Variants in PZP observed in about 807,000 individuals in gnomAD.
PZP encodes the protein pregnancy zone protein.
A neutral mutation model predicts 179.8 loss-of-function variants in PZP; 150 were observed. The ratio of observed to expected loss-of-function variants is 0.83; its 90% CI spans 0.73 to 0.96. PZP has a LOEUF of 0.96. Ranked by LOEUF, PZP falls within the 40% of genes least tolerant of loss-of-function variation. The pLI, the probability that PZP is intolerant of heterozygous loss-of-function variation, is 0.00. For synonymous variants in PZP, 624 were observed against 652.3 expected (o/e 0.96, Z 0.66); for missense variants, 1,689 against 1,764.0 (o/e 0.96, Z 0.76).
intron 21 of PZP, among the ~76,000 whole-genome samples, chr12:9,163,240 C>A (rs1003292590): frequency 6.8e-6 from 1 of 147,584 alleles, no homozygotes; most frequent in Non-Finnish European, 1.5e-5. Flanking sequence ...ATCACGAGGT[C>A]AGGAGATTGA....
intron 23 of PZP, 72 bp from the exon 24 acceptor site, chr12:9,160,562 GC>G: frequency 7.2e-7 from 1 of 1,385,474 alleles, no homozygotes. Context: ...AACAAAAATG[GC>G]CTTTATATTC....
At chr12:9,187,077 CAA>C (rs59000486) in intron 13 of PZP, among the ~76,000 whole-genome samples, 324 of 128,668 alleles carry the variant, frequency 2.5e-3, no homozygotes, top group Middle Eastern at 8.0e-3. Context: ...CAAGAAAGGT[CAA>C]AAAAAAAAAA....
Position 9,196,682 on chromosome 12 carries a change from T to TA in PZP, c.870dup (p.Asn291Ter). ...TGTTGGGTGATGCAGCCATTGCTGT[T>TA]AAGCTGAGAAAAATACCAAAACCAA... On this transcript the variant is annotated frameshift_variant, in exon 9 of 36. Transcript: ENST00000261336. LOFTEE classifies it high-confidence loss of function. 2 of 1,599,620 alleles carry TA rather than the reference T, an allele frequency of 1.3e-6. No homozygotes were observed. The highest frequency in any genetic ancestry group is 1.7e-6 in the Non-Finnish European group (2 of 1,166,840).
chr12:9,152,184 T>G, intron 32 of PZP, 36 bp downstream of exon 32: 1 of 1,415,814 alleles, frequency 7.1e-7, no homozygotes, highest in African/African-American at 1.4e-5. Context: ...AGAACATACT[T>G]TTGTATGAAG....
At chr12:9,157,711 C>A (rs1393747859) in intron 27 of PZP, 56 bp downstream of exon 27, 1 of 1,513,862 alleles carries the variant, frequency 6.6e-7, no homozygotes, top group Non-Finnish European at 9.2e-7. Flanking sequence ...GGGTGGCATT[C>A]CAGACAGCAA....
the PZP span, among the ~76,000 whole-genome samples, chr12:9,140,533 T>A: frequency 6.6e-6 from 1 of 152,244 alleles, no homozygotes. Context: ...TGCATTATTA[T>A]ACTTGGTTTA....
At chr12:9,172,987 T>A (rs1213220473) in intron 15 of PZP, among the ~76,000 whole-genome samples, 1 of 152,258 alleles carries the variant, frequency 6.6e-6, no homozygotes, top group Non-Finnish European at 1.5e-5. Context: ...CTGATTGATA[T>A]CTACAGAACT....
At chr12:9,192,765 G>T (rs375719550) in intron 11 of PZP, 26 bp from the exon 12 acceptor site, 3 of 1,491,278 alleles carry the variant, frequency 2.0e-6, no homozygotes, top group South Asian at 1.1e-5. Flanking sequence ...AGCAAAGAAA[G>T]AATACTGTCT....
At position 9,165,141 on chromosome 12, in the gene PZP, G is replaced by A. The variant is rs150415784; in HGVS notation, c.2485C>T (p.Arg829Trp). 666 of 1,613,078 alleles carry A rather than the reference G, an allele frequency of 4.1e-4. 3 individuals are homozygous for A. The highest frequency in any genetic ancestry group is 4.2e-4 in the Non-Finnish European group (495 of 1,179,222). ...CTGTTCACCCTCATTTTCCTTACCC[G>A]GATGCATTTGGGAAGGTAGTTTAGG... is the stretch of plus-strand genomic sequence containing the variant. ...TVLNYLPKCI[R>W]VSVQLKASPA... Residue 829 changes from arginine to tryptophan, a missense_variant and splice_region_variant, in exon 19 of 36, where the codon CGG (arginine) becomes TGG (tryptophan). This residue lies in a region of PZP where 201 missense variants were observed against 284.2 expected (regional missense o/e 0.71). Transcript: ENST00000261336.
At chr12:9,168,796 C>T (rs1941771903) in intron 17 of PZP, 73 bp downstream of exon 17, 4 of 1,143,124 alleles carry the variant, frequency 3.5e-6, no homozygotes, top group Non-Finnish European at 5.2e-6. Flanking sequence ...GGCTACATTA[C>T]CTCATTTTAG....
In PZP at chr12:9,192,551, C is replaced by G. The variant is rs143933677; in HGVS notation, c.1443G>C (p.Gln481His). 2 of 1,614,056 alleles carry G rather than the reference C, an allele frequency of 1.2e-6. No homozygotes were observed. The highest frequency in any genetic ancestry group is 1.3e-5 in the African/African-American group (1 of 74,914). Residue 481 changes from glutamine (Q) to histidine (H), a missense_variant, in exon 12 of 36, where the codon CAG (glutamine) becomes CAC (histidine). Around this residue, in one of 3 missense-constraint regions of PZP, gnomAD observed 742 missense variants for 730.5 expected, o/e 1.02. Coordinates refer to ENST00000261336, the MANE Select transcript of PZP (RefSeq NM_002864.3). ...TGAGCTCCGATAACTCTCCCATGGCCTGTCTATTCAGTGTATAGTGTGCCG... is the reference window on the plus strand; with the variant it reads ...TGAGCTCCGATAACTCTCCCATGGCGTGTCTATTCAGTGTATAGTGTGCCG... Reference protein sequence around the residue: ...TITAHYTLNRQAMGELSELSF... With the variant: ...TITAHYTLNRHAMGELSELSF...
At chr12:9,175,215 G>GCCT (rs780865108) in intron 15 of PZP, among the ~76,000 whole-genome samples, 116 of 152,228 alleles carry the variant, frequency 7.6e-4, no homozygotes, top group African/African-American at 2.7e-3. Flanking sequence ...TGGAGGAAAG[G>GCCT]CCTCCCTATT....
intron 35 of PZP, 60 bp from the exon 36 acceptor site, chr12:9,149,054 GT>G (rs1185804458): frequency 6.8e-7 from 1 of 1,477,074 alleles, no homozygotes; most frequent in African/African-American, 1.4e-5. Context: ...ATTCAGTTGA[GT>G]GTGGGCAGCA....
chr12:9,157,804 A>C lies in PZP; in HGVS notation c.3332T>G (p.Val1111Gly). 1.2e-6 allele frequency: 2 copies of C among 1,614,156 alleles called. No homozygotes were observed. Among genetic ancestry groups the C allele is most frequent in the Non-Finnish European group, 1.7e-6 (2 of 1,179,986 alleles). ...AGGAATTTCCAGAAGGGCAATAGTAACATAGGCGGAGAGGGTCGCTTCATC... is the reference window on the plus strand; with the variant it reads ...AGGAATTTCCAGAAGGGCAATAGTACCATAGGCGGAGAGGGTCGCTTCATC... ...VEDEATLSAY[V>G]TIALLEIPLP... Residue 1111 changes from valine (V) to glycine (G), a missense_variant, in exon 27 of 36, where the codon GTT (valine) becomes GGT (glycine). Transcript: ENST00000261336.
the PZP span, among the ~76,000 whole-genome samples, chr12:9,142,632 CAT>C: frequency 6.6e-6 from 1 of 152,160 alleles, no homozygotes; most frequent in East Asian, 1.9e-4. Context: ...ACACCTAACA[CAT>C]ATATAGCCAC....
At chr12:9,192,346 G>T in intron 12 of PZP, 90 bp from the exon 13 acceptor site, 1 of 1,375,056 alleles carries the variant, frequency 7.3e-7, no homozygotes, top group Non-Finnish European at 1.0e-6. Flanking sequence ...CAGTTGTCAA[G>T]TCTGTGCTGG....
chr12:9,169,603 G>A lies in PZP; in HGVS notation c.1840-12C>T, dbSNP rs200605479. The A allele has an allele frequency of 7.5e-4, 1,183 of 1,582,398 alleles. 2 individuals are homozygous for A. The highest frequency in any genetic ancestry group is 9.6e-4 in the Non-Finnish European group (1,120 of 1,167,784). On this transcript the variant is annotated splice_polypyrimidine_tract_variant and intron_variant, in intron 15 of 35. Transcript: ENST00000261336. ...AGCAGATTATATACCTGTAGCAGTGGGGGGATCAAAGGCAGAACTGTTACT... is the reference window on the plus strand; with the variant it reads ...AGCAGATTATATACCTGTAGCAGTGAGGGGATCAAAGGCAGAACTGTTACT...
chr12:9,160,879 T>C (rs920844384), intron 23 of PZP, among the ~76,000 whole-genome samples, 154 bp downstream of exon 23: 6 of 150,586 alleles, frequency 4.0e-5, no homozygotes, highest in Admixed American at 2.0e-4. Flanking sequence ...CACGTCACTG[T>C]ACTCCAGCCT....
intron 13 of PZP, among the ~76,000 whole-genome samples, chr12:9,190,540 T>C (rs1190444717): frequency 6.6e-6 from 1 of 151,800 alleles, no homozygotes; most frequent in East Asian, 1.9e-4. Flanking sequence ...TTGAGGCCTA[T>C]TGGAGGGTGG....
Sources: gnomAD v4.1 joint callset for allele counts (sites outside exome capture counted in the v4.1 genomes callset) on GRCh38, gnomAD v4.1.1 for gene constraint, gnomAD v4.1.1 regional missense constraint, MANE v1.5 for transcripts, NCBI Gene and HGNC (gene_info 2026-07-23, HGNC 2026-07-21) for gene names.